ECE1: variants seen among roughly 807,000 people sequenced by gnomAD.
ECE1 encodes the protein endothelin converting enzyme 1.
A neutral mutation model predicts 98.6 loss-of-function variants in ECE1; 35 were observed. That is an observed-to-expected ratio of 0.35 (90% CI 0.27 to 0.47). The LOEUF is 0.47. Among genes scored for constraint, ECE1 ranks in the 20% least tolerant of loss-of-function variants. The pLI is 1.00. For missense variants in ECE1, 814 were observed against 1,025.3 expected (o/e 0.79, Z 2.81); for synonymous variants, 394 against 407.1 (o/e 0.97, Z 0.39).
intron 1 of ECE1, among the ~76,000 whole-genome samples, chr1:21,318,076 A>C (rs1638871467): frequency 6.6e-6 from 1 of 152,218 alleles, no homozygotes; most frequent in South Asian, 2.1e-4. Context: ...GGCTGCTGTG[A>C]CGGTTAAACG....
At chr1:21,328,383 T>G (rs544034032) in intron 1 of ECE1, among the ~76,000 whole-genome samples, 1 of 152,218 alleles carries the variant, frequency 6.6e-6, no homozygotes, top group East Asian at 1.9e-4. Context: ...GCCTGGCACA[T>G]AGTGGGTCCT....
intron 14 of ECE1, among the ~76,000 whole-genome samples, chr1:21,228,779 G>C (rs1309640374): frequency 6.6e-6 from 1 of 150,436 alleles, no homozygotes; most frequent in Non-Finnish European, 1.5e-5. Context: ...ACAGAGCAAG[G>C]CTATCTCAAA....
intron 4 of ECE1, among the ~76,000 whole-genome samples, chr1:21,267,593 G>A (rs1278216476): frequency 6.6e-6 from 1 of 152,176 alleles, no homozygotes; most frequent in Non-Finnish European, 1.5e-5. Flanking sequence ...TACAATTCAG[G>A]ATGAGATTTG....
At chr1:21,300,026 G>A (rs776913419) in intron 1 of ECE1, among the ~76,000 whole-genome samples, 3 of 152,244 alleles carry the variant, frequency 2.0e-5, no homozygotes, top group Non-Finnish European at 2.9e-5. Flanking sequence ...TCCCTCAGGG[G>A]TTCTAAGGAA....
chr1:21,253,825 C>T (rs2098216186), intron 8 of ECE1, among the ~76,000 whole-genome samples: 1 of 150,216 alleles, frequency 6.7e-6, no homozygotes, highest in African/African-American at 2.5e-5. Context: ...AATCCCAGCA[C>T]TTTGGGACGC....
At chr1:21,318,821 C>T (rs561110840) in intron 1 of ECE1, among the ~76,000 whole-genome samples, 2 of 152,270 alleles carry the variant, frequency 1.3e-5, no homozygotes, top group South Asian at 4.1e-4. Context: ...GGATTTGCAG[C>T]AAGAGCTACA....
intron 1 of ECE1, among the ~76,000 whole-genome samples, chr1:21,338,559 A>T (rs556990642): frequency 6.6e-6 from 1 of 152,334 alleles, no homozygotes; most frequent in Admixed American, 6.5e-5. Context: ...CTTCGAGTCT[A>T]TCCTCTGAAT....
rs953540789 is a variant in ECE1, at chr1:21,240,230, TA to T, written c.1279-1987del. Among the ~76,000 whole-genome samples the T allele has an allele frequency of 1.4e-4, 22 of 151,806 alleles. No individual in the cohort carries two copies. The South Asian group carries it at 1.7e-3, about 11-fold the overall frequency. On this transcript the variant is annotated intron_variant, in intron 10 of 18. Coordinates refer to ENST00000374893, the MANE Select transcript of ECE1 (RefSeq NM_001397.3). ...AGGCCGGGATGGTGGCTCACACCTG[TA>T]ATCCCAGCACTTTGGATGGCTGAGG...
chr1:21,287,249 G>C (rs903437583), intron 2 of ECE1, among the ~76,000 whole-genome samples: 1 of 152,200 alleles, frequency 6.6e-6, no homozygotes, highest in African/African-American at 2.4e-5. Context: ...GCACAGGCTG[G>C]ATGTGGTGGC....
chr1:21,225,601 G>T lies in ECE1; in HGVS notation c.1850-161C>A, dbSNP rs886107200. On this transcript the variant is annotated intron_variant, in intron 16 of 18. Coordinates refer to ENST00000374893, the MANE Select transcript of ECE1 (RefSeq NM_001397.3). The surrounding 1 kb of genome is among the most constrained non-coding windows in gnomAD (Gnocchi z 5.3). ...TGTGAGTGCCGAGGGACGTGGATGT[G>T]GTGGCCAGTCAGAGGCGGGAGAGGA... 6.6e-6 allele frequency among the ~76,000 whole-genome samples: 1 copy of T among 152,156 alleles called. No individual in the cohort carries two copies. Among genetic ancestry groups the T allele is most frequent in the South Asian group, 2.1e-4 (1 of 4,826 alleles).
At chr1:21,224,675 C>G (rs1470043022) in intron 17 of ECE1, among the ~76,000 whole-genome samples, 1 of 152,202 alleles carries the variant, frequency 6.6e-6, no homozygotes, top group African/African-American at 2.4e-5. Flanking sequence ...CTCTCGTGGC[C>G]TCTGTTACTA....
chr1:21,253,461 A>G (rs1474366741), intron 8 of ECE1, among the ~76,000 whole-genome samples: 1 of 152,096 alleles, frequency 6.6e-6, no homozygotes, highest in East Asian at 1.9e-4. Context: ...GGACTCTGTG[A>G]CTTAAAGTTA....
intron 13 of ECE1, among the ~76,000 whole-genome samples, chr1:21,234,967 G>A (rs903828633): frequency 1.3e-5 from 2 of 152,196 alleles, no homozygotes; most frequent in African/African-American, 4.8e-5. Context: ...ATCTCAGAAT[G>A]AGTCTTTATA....
At chr1:21,267,480 G>A (rs1232725181) in intron 4 of ECE1, among the ~76,000 whole-genome samples, 2 of 152,150 alleles carry the variant, frequency 1.3e-5, no homozygotes, top group African/African-American at 4.8e-5. Flanking sequence ...AAGATCTTGT[G>A]AGACTTATTC....
intron 1 of ECE1, among the ~76,000 whole-genome samples, chr1:21,315,507 C>T (rs1233071837): frequency 6.6e-6 from 1 of 152,102 alleles, no homozygotes; most frequent in Admixed American, 6.5e-5. Flanking sequence ...TTAAAAGCTG[C>T]TCCTGGCCGG....
intron 1 of ECE1, among the ~76,000 whole-genome samples, chr1:21,341,690 C>A (rs1193198141): frequency 1.3e-5 from 2 of 152,210 alleles, no homozygotes; most frequent in Non-Finnish European, 2.9e-5. Context: ...GCACAGGCTG[C>A]CCAGGGTGAA....
At chr1:21,270,236 T>C (rs973061082) in intron 4 of ECE1, among the ~76,000 whole-genome samples, 1 of 152,208 alleles carries the variant, frequency 6.6e-6, no homozygotes, top group African/African-American at 2.4e-5. Context: ...GCTGCATCTA[T>C]AAAATGGGAA....
intron 3 of ECE1, among the ~76,000 whole-genome samples, 161 bp downstream of exon 3, chr1:21,279,030 C>T (rs540745260): frequency 2.6e-5 from 4 of 152,268 alleles, no homozygotes; most frequent in East Asian, 3.9e-4. Flanking sequence ...GCCCACTTCC[C>T]GGGTCTTGGT....
intron 9 of ECE1, among the ~76,000 whole-genome samples, chr1:21,246,210 A>G (rs1053760271): frequency 2.0e-5 from 3 of 152,180 alleles, no homozygotes; most frequent in African/African-American, 4.8e-5. Flanking sequence ...TTTAAAAATT[A>G]TAAGTATTGC....
Sources: allele counts gnomAD v4.1 joint callset (sites outside exome capture counted in the v4.1 genomes callset), GRCh38; gene constraint gnomAD v4.1.1; non-coding constraint Gnocchi (gnomAD v3.1); transcripts MANE v1.5; gene names NCBI Gene and HGNC (gene_info 2026-07-23, HGNC 2026-07-21).